The following DNAAF11 variants were observed in gnomAD, a reference collection of about 807,000 sequenced individuals.
The protein encoded by DNAAF11 is leucine rich repeat containing 6.
A neutral mutation model predicts 60.8 loss-of-function variants in DNAAF11; 45 were observed. The ratio of observed to expected loss-of-function variants is 0.74; its 90% CI spans 0.58 to 0.95. DNAAF11 has a LOEUF of 0.95. Among genes scored for constraint, DNAAF11 ranks in the 40% least tolerant of loss-of-function variants. DNAAF11 has a pLI of 0.00. For missense variants in DNAAF11, 546 were observed against 546.2 expected, an observed-to-expected ratio of 1.00 and a Z score of 0.00; for synonymous variants, 191 against 183.5, an observed-to-expected ratio of 1.04 and a Z score of -0.33.
At chr8:132,682,509 A>T in the DNAAF11 span, among the ~76,000 whole-genome samples, 1 of 152,222 alleles carries the variant, frequency 6.6e-6, no homozygotes. Flanking sequence ...CCACAGAATC[A>T]TGAGATATAG....
At chr8:132,683,813 T>C in the DNAAF11 span, among the ~76,000 whole-genome samples, 1 of 141,344 alleles carries the variant, frequency 7.1e-6, no homozygotes, top group South Asian at 2.2e-4. Context: ...AGTTTTCTGC[T>C]GGAGAAGCTC....
chr8:132,694,654 GAC>G, the DNAAF11 span, among the ~76,000 whole-genome samples: 1 of 152,228 alleles, frequency 6.6e-6, no homozygotes, highest in Non-Finnish European at 1.5e-5. Flanking sequence ...AGATAGTGAA[GAC>G]AGTAGAGGGA....
intron 10 of DNAAF11, among the ~76,000 whole-genome samples, chr8:132,589,795 G>A (rs538905003): frequency 1.7e-4 from 26 of 152,302 alleles, no homozygotes; most frequent in African/African-American, 4.6e-4. Context: ...ATAGGAGGTA[G>A]GTCTTGGACT....
At chr8:132,698,644 C>T in the DNAAF11 span, among the ~76,000 whole-genome samples, 1 of 152,120 alleles carries the variant, frequency 6.6e-6, no homozygotes, top group Admixed American at 6.6e-5. Flanking sequence ...TGCCAGTTCA[C>T]TAATGGGTCA....
At chr8:132,674,019 GAGAAGGAGC>G (rs1211047959) in intron 1 of DNAAF11, among the ~76,000 whole-genome samples, 2 of 151,858 alleles carry the variant, frequency 1.3e-5, no homozygotes, top group African/African-American at 2.4e-5. Flanking sequence ...GGAGAAGGAG[GAGAAGGAGC>G]AGGAGGAGCA....
intron 10 of DNAAF11, among the ~76,000 whole-genome samples, chr8:132,592,486 C>G (rs968345760): frequency 3.9e-5 from 6 of 152,036 alleles, no homozygotes; most frequent in Non-Finnish European, 8.8e-5. Flanking sequence ...GAAGGGGAGA[C>G]AGTAGGAGCT....
chr8:132,654,868 T>C (rs934103063), intron 3 of DNAAF11, among the ~76,000 whole-genome samples: 1 of 151,302 alleles, frequency 6.6e-6, no homozygotes, highest in African/African-American at 2.4e-5. Flanking sequence ...CTTAAGAAAC[T>C]AGAAAAAAGA....
intron 2 of DNAAF11, among the ~76,000 whole-genome samples, chr8:132,661,064 G>A (rs1824082760): frequency 6.6e-6 from 1 of 151,986 alleles, no homozygotes. Flanking sequence ...AGCAAAACTA[G>A]CTATTGAATT....
At chr8:132,660,679 C>T (rs1425096191) in intron 2 of DNAAF11, among the ~76,000 whole-genome samples, 2 of 152,128 alleles carry the variant, frequency 1.3e-5, no homozygotes, top group African/African-American at 4.8e-5. Flanking sequence ...ATAGGTTAAT[C>T]AGGAGAAGAA....
At chr8:132,621,039 G>C (rs1437696912) in intron 7 of DNAAF11, among the ~76,000 whole-genome samples, 1 of 152,174 alleles carries the variant, frequency 6.6e-6, no homozygotes, top group Non-Finnish European at 1.5e-5. Flanking sequence ...TCAATGAACT[G>C]ACAGGGCTGG....
chr8:132,671,726 A>T (rs1825205218), intron 1 of DNAAF11, among the ~76,000 whole-genome samples: 1 of 152,110 alleles, frequency 6.6e-6, no homozygotes, highest in Admixed American at 6.5e-5. Flanking sequence ...CACATATACA[A>T]GCCACTGGTT....
chr8:132,698,969 C>CAA, the DNAAF11 span, among the ~76,000 whole-genome samples: 1 of 142,984 alleles, frequency 7.0e-6, no homozygotes, highest in Admixed American at 6.9e-5. Flanking sequence ...CACACACACA[C>CAA]ACAAAAAAAA....
Position 132,610,432 on chromosome 8 carries a change from A to G in DNAAF11, c.1045-171T>C, listed in dbSNP as rs1447152095. On this transcript the variant is annotated intron_variant, in intron 9 of 11. Coordinates refer to ENST00000620350, the MANE Select transcript of DNAAF11 (RefSeq NM_012472.6). The stretch of plus-strand genomic sequence containing the variant: ...ATGCTTTCTATGCACAAACTATTTT[A>G]CCTATTTTAACAAGTAGTCTAAAGA... Among the ~76,000 whole-genome samples the G allele has an allele frequency of 4.6e-5, 7 of 152,198 alleles. No individual in the cohort carries two copies. In the South Asian group the frequency reaches 1.4e-3, roughly 32 times the overall value.
intron 1 of DNAAF11, among the ~76,000 whole-genome samples, chr8:132,663,616 G>A (rs1206635264): frequency 6.6e-6 from 1 of 152,176 alleles, no homozygotes; most frequent in Non-Finnish European, 1.5e-5. Context: ...AATCCATAGA[G>A]CAAGGGGGTG....
At chr8:132,662,151 T>A (rs958790429) in intron 1 of DNAAF11, among the ~76,000 whole-genome samples, 4 of 152,252 alleles carry the variant, frequency 2.6e-5, no homozygotes, top group Non-Finnish European at 5.9e-5. Flanking sequence ...AGGAACGCTT[T>A]AGATCTTGCA....
At chr8:132,575,594 C>T (rs1814663258) in intron 11 of DNAAF11, among the ~76,000 whole-genome samples, 1 of 152,102 alleles carries the variant, frequency 6.6e-6, no homozygotes, top group Non-Finnish European at 1.5e-5. Flanking sequence ...CAGGTTGAAG[C>T]ACAAGGAGAC....
the DNAAF11 span, among the ~76,000 whole-genome samples, chr8:132,690,608 T>G: frequency 6.6e-6 from 1 of 152,236 alleles, no homozygotes; most frequent in African/African-American, 2.4e-5. Flanking sequence ...AACTCCACAT[T>G]TTATTTAGAT....
intron 10 of DNAAF11, among the ~76,000 whole-genome samples, chr8:132,595,935 T>C (rs895212932): frequency 1.3e-5 from 2 of 152,080 alleles, no homozygotes; most frequent in African/African-American, 4.8e-5. Context: ...GTTAAGAAAC[T>C]GAATTCAGGA....
chr8:132,682,108 C>A, the DNAAF11 span, among the ~76,000 whole-genome samples: 2 of 152,180 alleles, frequency 1.3e-5, no homozygotes, highest in African/African-American at 2.4e-5. Flanking sequence ...AAAGATGGTG[C>A]CTGTTCCCCT....
Sources: allele counts gnomAD v4.1 joint callset (sites outside exome capture counted in the v4.1 genomes callset), GRCh38; gene constraint gnomAD v4.1.1; transcripts MANE v1.5; gene names NCBI Gene and HGNC (gene_info 2026-07-23, HGNC 2026-07-21).